The following MYO1H variants were observed in gnomAD, a reference collection of about 807,000 sequenced individuals.
The protein encoded by MYO1H is myosin IH.
A neutral mutation model predicts 149.3 loss-of-function variants in MYO1H; 118 were observed. That is an observed-to-expected ratio of 0.79 (90% CI 0.68 to 0.92). The LOEUF is 0.92. Among genes scored for constraint, MYO1H ranks in the 40% least tolerant of loss-of-function variants. The probability of loss-of-function intolerance (pLI) is 0.00; values close to 1 mark genes in which losing one functional copy is unlikely to be tolerated. For synonymous variants in MYO1H, 447 were observed against 465.2 expected (o/e 0.96, Z 0.50); for missense variants, 1,212 against 1,280.7 (o/e 0.95, Z 0.82).
chr12:109,434,340 T>A (rs1871767524), intron 20 of MYO1H, among the ~76,000 whole-genome samples: 1 of 152,088 alleles, frequency 6.6e-6, no homozygotes, highest in South Asian at 2.1e-4. Context: ...ATCCACATTA[T>A]TTGTCTGGCT....
chr12:109,402,655 A>G lies in MYO1H; in HGVS notation c.751-1327A>G, dbSNP rs535052559. 1.2e-3 allele frequency among the ~76,000 whole-genome samples: 189 copies of G among 152,328 alleles called. 1 individual carries two copies. The highest frequency in any genetic ancestry group is 3.3e-3 in the South Asian group (16 of 4,826). Reference sequence around the variant, plus strand: ...AAAATGAAGGTAAATAGTGAAAAGAAAGAATCTCATAATCTAATTTTATAC... The same window carrying G: ...AAAATGAAGGTAAATAGTGAAAAGAGAGAATCTCATAATCTAATTTTATAC... On this transcript the variant is annotated intron_variant, in intron 6 of 31. Transcript: ENST00000310903.
At chr12:109,443,172 G>A (rs114173479) in intron 27 of MYO1H, among the ~76,000 whole-genome samples, 1,252 of 110,104 alleles carry the variant, frequency 0.011, 323 homozygotes, top group African/African-American at 0.05. Flanking sequence ...ATATGTGTAC[G>A]TATGTGTGTA....
intron 2 of MYO1H, among the ~76,000 whole-genome samples, chr12:109,391,824 G>C (rs1165579446): frequency 6.6e-6 from 1 of 152,130 alleles, no homozygotes; most frequent in Non-Finnish European, 1.5e-5. Flanking sequence ...GTGGTGTTGA[G>C]CTTTTTTTCA....
intron 24 of MYO1H, 23 bp from the exon 25 acceptor site, chr12:109,440,721 A>C: frequency 2.6e-6 from 4 of 1,546,994 alleles, no homozygotes; most frequent in Non-Finnish European, 3.5e-6. Context: ...AGGCAAGTGG[A>C]AAGAAGTGTG....
chr12:109,364,643 T>C (rs929826484), intron 1 of MYO1H, among the ~76,000 whole-genome samples: 10 of 152,230 alleles, frequency 6.6e-5, no homozygotes, highest in Non-Finnish European at 1.5e-4. Context: ...GCATTACTAT[T>C]ATGTCTTATT....
chr12:109,314,237 A>T, the MYO1H span, among the ~76,000 whole-genome samples: 124 of 130,712 alleles, frequency 9.5e-4, 1 homozygote, highest in Admixed American at 1.4e-3. Flanking sequence ...TAAGCTTTTT[A>T]AAAAAAAAAA....
the MYO1H span, among the ~76,000 whole-genome samples, chr12:109,339,623 A>T: frequency 6.6e-6 from 1 of 152,248 alleles, no homozygotes; most frequent in Non-Finnish European, 1.5e-5. Flanking sequence ...GCCTTAAGAT[A>T]TAAAGAGCTC....
At chr12:109,317,393 A>C in the MYO1H span, among the ~76,000 whole-genome samples, 1 of 152,228 alleles carries the variant, frequency 6.6e-6, no homozygotes, top group South Asian at 2.1e-4. Context: ...ATCAGAGAGT[A>C]ACCATTTCGA....
At chr12:109,423,379 C>A (rs909985560) in intron 16 of MYO1H, among the ~76,000 whole-genome samples, 1 of 152,176 alleles carries the variant, frequency 6.6e-6, no homozygotes, top group African/African-American at 2.4e-5. Flanking sequence ...TCAGTCTGGT[C>A]TTGAACTCCT....
At chr12:109,393,270 C>T in intron 2 of MYO1H, 61 bp from the exon 3 acceptor site, 1 of 978,612 alleles carries the variant, frequency 1.0e-6, no homozygotes, top group Non-Finnish European at 1.6e-6. Flanking sequence ...TGGGGATCAT[C>T]ATGTGTGACA....
intron 1 of MYO1H, among the ~76,000 whole-genome samples, chr12:109,368,609 T>G (rs1463558730): frequency 2.4e-5 from 3 of 124,004 alleles, no homozygotes; most frequent in African/African-American, 9.2e-5. Flanking sequence ...TGAGCTGAGA[T>G]CAGCCTGGGC....
At chr12:109,410,814 C>A (rs1389240867) in intron 13 of MYO1H, 46 bp downstream of exon 13, 4 of 1,285,492 alleles carry the variant, frequency 3.1e-6, no homozygotes, top group Non-Finnish European at 4.4e-6. Context: ...CCGGCACTTA[C>A]AACTCTTGGA....
intron 1 of MYO1H, among the ~76,000 whole-genome samples, chr12:109,367,297 G>A (rs1868884329): frequency 1.3e-5 from 2 of 152,136 alleles, no homozygotes; most frequent in South Asian, 2.1e-4. Flanking sequence ...TAGACCCTTA[G>A]GAAGGATATG....
chr12:109,417,375 T>A (rs184262165), intron 15 of MYO1H, among the ~76,000 whole-genome samples: 27 of 152,250 alleles, frequency 1.8e-4, no homozygotes, highest in African/African-American at 6.0e-4. Flanking sequence ...TCTCCCAGGC[T>A]GGCGTGCAGT....
intron 1 of MYO1H, among the ~76,000 whole-genome samples, chr12:109,351,736 G>T (rs1868464571): frequency 6.6e-6 from 1 of 152,182 alleles, no homozygotes; most frequent in Non-Finnish European, 1.5e-5. Context: ...CCCTGTTAGA[G>T]TCACTCAAAT....
Position 109,421,176 on chromosome 12 carries a change from G to A in MYO1H, c.1644+149G>A, listed in dbSNP as rs1487667084. 1.8e-5 allele frequency: 11 copies of A among 604,620 alleles called. No homozygotes were observed. In the Admixed American group the frequency reaches 3.4e-4, roughly 19 times the overall value. The allele number at this position is 604,620 out of a possible 1,614,324, so 37.5% of individuals were successfully genotyped here. ...ATGTCATGGCCAGAACAGACATTCAGGATCATCTGTGTGGACACTTCACTC... is the reference window on the plus strand; with the variant it reads ...ATGTCATGGCCAGAACAGACATTCAAGATCATCTGTGTGGACACTTCACTC... On this transcript the variant is annotated intron_variant, in intron 16 of 31. Coordinates refer to ENST00000310903, the Ensembl canonical transcript of MYO1H.
intron 25 of MYO1H, 42 bp from the exon 26 acceptor site, chr12:109,441,573 C>G (rs747977567): frequency 7.1e-7 from 1 of 1,406,334 alleles, no homozygotes; most frequent in South Asian, 1.3e-5. Flanking sequence ...CCCAAAGAAG[C>G]CTGTGGCTAC....
intron 1 of MYO1H, among the ~76,000 whole-genome samples, chr12:109,367,759 A>G (rs1467635662): frequency 6.6e-6 from 1 of 151,984 alleles, no homozygotes; most frequent in Non-Finnish European, 1.5e-5. Flanking sequence ...TCACCGTGTT[A>G]GCCAGGATGG....
upstream of MYO1H, among the ~76,000 whole-genome samples, chr12:109,346,693 C>T (rs945144309): frequency 2.0e-5 from 3 of 151,900 alleles, no homozygotes; most frequent in East Asian, 1.9e-4. Context: ...ACCTGGGGGG[C>T]GGAGGTTGCA....
Sources: allele counts gnomAD v4.1 joint callset (sites outside exome capture counted in the v4.1 genomes callset), GRCh38; gene constraint gnomAD v4.1.1; transcripts MANE v1.5; gene names NCBI Gene and HGNC (gene_info 2026-07-23, HGNC 2026-07-21).